Variants in MTMR8 observed in about 807,000 individuals in gnomAD.
The protein encoded by MTMR8 is myotubularin related protein 8, also known as phosphatidylinositol-3,5-bisphosphate 3-phosphatase MTMR8.
In MTMR8, 65 loss-of-function variants were observed where a neutral mutation model predicts 39.3. The ratio of observed to expected loss-of-function variants is 1.65; its 90% CI spans 1.35 to 2.03. The LOEUF is 2.03. Among genes scored for constraint, MTMR8 ranks in the 30% most tolerant of loss-of-function variants. MTMR8 has a pLI of 0.00. For missense variants in MTMR8, 777 were observed against 538.9 expected (o/e 1.44, Z -4.37); for synonymous variants, 245 against 185.2 (o/e 1.32, Z -2.62).
At chrX:64,376,344 C>T (rs765394594) in intron 1 of MTMR8, among the ~76,000 whole-genome samples, 7 of 111,945 alleles carry the variant, frequency 6.3e-5, no homozygotes, top group Admixed American at 5.7e-4. Context: ...GTTGAATGGT[C>T]GTGACCAAAA....
chrX:64,360,253 A>T (rs1269593545), intron 1 of MTMR8: 1 of 167,567 alleles, frequency 6.0e-6, no homozygotes, highest in African/African-American at 3.1e-5. Flanking sequence ...AAGAAGATAT[A>T]GCCATCATAA....
At chrX:64,303,986 A>T (rs1387171472) in intron 12 of MTMR8, among the ~76,000 whole-genome samples, 2 of 112,169 alleles carry the variant, frequency 1.8e-5, no homozygotes, top group Non-Finnish European at 3.8e-5. Flanking sequence ...GTACTGCAGC[A>T]CAGTCTGTTT....
intron 12 of MTMR8, among the ~76,000 whole-genome samples, chrX:64,301,801 G>T (rs1395542180): frequency 9.0e-6 from 1 of 111,674 alleles, no homozygotes; most frequent in Non-Finnish European, 1.9e-5. Context: ...TAACAGACAG[G>T]ACCCTCTGTT....
intron 1 of MTMR8, among the ~76,000 whole-genome samples, chrX:64,370,548 G>A (rs1320838177): frequency 1.8e-5 from 2 of 111,301 alleles, no homozygotes; most frequent in Non-Finnish European, 3.8e-5. Flanking sequence ...ACACAAAAAT[G>A]GTATCACCTT....
At chrX:64,286,900 C>A (rs1338786195) in intron 12 of MTMR8, among the ~76,000 whole-genome samples, 1 of 111,550 alleles carries the variant, frequency 9.0e-6, no homozygotes, top group African/African-American at 3.3e-5. Flanking sequence ...TGAAAACTGG[C>A]AACAGACAGG....
chrX:64,315,105 C>T (rs1369579349), intron 12 of MTMR8, among the ~76,000 whole-genome samples: 1 of 111,976 alleles, frequency 8.9e-6, no homozygotes, highest in Non-Finnish European at 1.9e-5. Flanking sequence ...GTTCCTGCAC[C>T]AAGCCCTCTG....
rs1430747674 is a variant in MTMR8, at chrX:64,287,327, A to C, written c.1482-16254T>G. On this transcript the variant is annotated intron_variant, in intron 12 of 13. Transcript: ENST00000374852. Reference sequence around the variant, plus strand: ...ACGAAATAAAAGAGGATACAAACAAATGGAAGAACATTCCATGCTCATGGA... The same window carrying C: ...ACGAAATAAAAGAGGATACAAACAACTGGAAGAACATTCCATGCTCATGGA... 2.7e-5 allele frequency among the ~76,000 whole-genome samples: 3 copies of C among 111,767 alleles called. No individual in the cohort carries two copies. The East Asian group carries it at 8.4e-4, about 31-fold the overall frequency.
At chrX:64,372,395 C>G (rs1244975675) in intron 1 of MTMR8, among the ~76,000 whole-genome samples, 6 of 111,049 alleles carry the variant, frequency 5.4e-5, no homozygotes, top group African/African-American at 2.0e-4. Flanking sequence ...TTATATCACA[C>G]GTATAGCTTT....
intron 1 of MTMR8, among the ~76,000 whole-genome samples, chrX:64,365,580 A>G (rs751142639): frequency 1.8e-5 from 2 of 112,018 alleles, no homozygotes; most frequent in East Asian, 5.6e-4. Flanking sequence ...TGTCACCACC[A>G]GGCTTGCCTT....
chrX:64,366,881 A>G (rs1345832570), intron 1 of MTMR8, among the ~76,000 whole-genome samples: 1 of 112,026 alleles, frequency 8.9e-6, no homozygotes, highest in African/African-American at 3.2e-5. Flanking sequence ...AGAAGAAGAG[A>G]GAAGAATCAA....
chrX:64,331,901 C>A (rs1922952885), intron 10 of MTMR8, 144 bp from the exon 11 acceptor site: 1 of 482,504 alleles, frequency 2.1e-6, no homozygotes, highest in African/African-American at 2.4e-5. Flanking sequence ...GCCAGAATCT[C>A]AAAGCTAGTC....
chrX:64,333,906 C>A (rs1386550044), intron 10 of MTMR8, among the ~76,000 whole-genome samples: 1 of 111,741 alleles, frequency 8.9e-6, no homozygotes, highest in Non-Finnish European at 1.9e-5. Flanking sequence ...TCTTTCCTAT[C>A]CTTAGATTTA....
At chrX:64,369,977 T>C (rs143758825) in intron 1 of MTMR8, among the ~76,000 whole-genome samples, 1,426 of 111,410 alleles carry the variant, frequency 0.013, 28 homozygotes, top group African/African-American at 0.043. Flanking sequence ...AAAACAACTA[T>C]CATGTTTTGA....
chrX:64,369,252 T>C (rs1924061608), intron 1 of MTMR8, among the ~76,000 whole-genome samples: 1 of 111,514 alleles, frequency 9.0e-6, no homozygotes, highest in Admixed American at 9.5e-5. Flanking sequence ...GACCCAGCAA[T>C]CCCATTACTG....
chrX:64,306,937 A>G (rs1216485076), intron 12 of MTMR8, among the ~76,000 whole-genome samples: 1 of 111,729 alleles, frequency 9.0e-6, no homozygotes, highest in Non-Finnish European at 1.9e-5. Flanking sequence ...CCCCAGCATG[A>G]GAGCAGATCA....
chrX:64,351,581 C>G (rs758941695), intron 4 of MTMR8, among the ~76,000 whole-genome samples: 1 of 110,887 alleles, frequency 9.0e-6, no homozygotes, highest in East Asian at 2.9e-4. Flanking sequence ...CACAGTAGGC[C>G]GTCTGCAAGT....
intron 13 of MTMR8, among the ~76,000 whole-genome samples, chrX:64,270,005 C>A: frequency 9.0e-6 from 1 of 110,838 alleles, no homozygotes; most frequent in East Asian, 2.8e-4. Flanking sequence ...AATAATAGGG[C>A]ACCTTCCCTG....
chrX:64,299,367 A>G (rs1342257425), intron 12 of MTMR8, among the ~76,000 whole-genome samples: 2 of 102,816 alleles, frequency 1.9e-5, no homozygotes, highest in African/African-American at 3.6e-5. Context: ...TTATTTGCGT[A>G]GAGGTGTTTG....
Position 64,338,472 on chromosome X carries a change from G to A in MTMR8, c.976-1079C>T, listed in dbSNP as rs190571620. Among the ~76,000 whole-genome samples the A allele has an allele frequency of 1.3e-4, 15 of 112,416 alleles. No homozygotes were observed. The East Asian group carries it at 4.2e-3, about 32-fold the overall frequency. ...TTCCAGGCTGGGGAATGATGTAACA[G>A]CGTGTACATTGCAAGGAGGCATGAC... On this transcript the variant is annotated intron_variant, in intron 8 of 13. Coordinates refer to ENST00000374852, the MANE Select transcript of MTMR8 (RefSeq NM_017677.4).
Sources: gnomAD v4.1 joint callset for allele counts (sites outside exome capture counted in the v4.1 genomes callset) on GRCh38, gnomAD v4.1.1 for gene constraint, MANE v1.5 for transcripts, NCBI Gene and HGNC (gene_info 2026-07-23, HGNC 2026-07-21) for gene names.